The following SBF2 variants were observed in gnomAD, a reference collection of about 807,000 sequenced individuals.
SBF2 encodes the protein SET binding factor 2.
Under a neutral mutation model 225.2 loss-of-function variants are expected in SBF2, and 112 were observed. The observed-to-expected ratio is 0.50, with a 90% CI of 0.43 to 0.58. The LOEUF is 0.58. Ranked by LOEUF, SBF2 falls within the 20% of genes least tolerant of loss-of-function variation. The pLI is 0.00. For synonymous variants in SBF2, 763 were observed against 773.3 expected, an observed-to-expected ratio of 0.99 and a Z score of 0.22; for missense variants, 1,996 against 2,206.2, an observed-to-expected ratio of 0.90 and a Z score of 1.91.
chr11:10,072,010 AT>A (rs1206724324), intron 2 of SBF2, among the ~76,000 whole-genome samples: 2 of 152,306 alleles, frequency 1.3e-5, no homozygotes, highest in African/African-American at 4.8e-5. Context: ...CTCCAGCCAT[AT>A]TAATCATTAT....
intron 2 of SBF2, among the ~76,000 whole-genome samples, chr11:10,156,125 T>C (rs1411275346): frequency 6.6e-6 from 1 of 152,216 alleles, no homozygotes. Context: ...TGCCTGCTCC[T>C]GTTCCCTGGC....
At chr11:9,967,971 C>CTCTCTCTCTCTCTCTATATATATATA (rs1260685462) in intron 14 of SBF2, among the ~76,000 whole-genome samples, 4 of 91,510 alleles carry the variant, frequency 4.4e-5, no homozygotes, top group Middle Eastern at 6.4e-3. Flanking sequence ...CTCTCTCTCT[C>CTCTCTCTCTCTCTCTATATATATATA]TATATATATA....
At chr11:9,894,107 C>A (rs1013115692) in intron 17 of SBF2, among the ~76,000 whole-genome samples, 2 of 151,056 alleles carry the variant, frequency 1.3e-5, no homozygotes, top group Admixed American at 6.6e-5. Flanking sequence ...ATCAGCCAGG[C>A]GTGGTGGCTC....
At chr11:10,033,638 A>G (rs1370631496) in intron 3 of SBF2, among the ~76,000 whole-genome samples, 1 of 148,900 alleles carries the variant, frequency 6.7e-6, no homozygotes, top group Non-Finnish European at 1.5e-5. Context: ...TTCTGCTTTT[A>G]AAGCAAAATG....
intron 33 of SBF2, among the ~76,000 whole-genome samples, chr11:9,793,601 AC>A (rs1400941545): frequency 6.6e-6 from 1 of 151,840 alleles, no homozygotes; most frequent in Non-Finnish European, 1.5e-5. Context: ...TGTTGGCCAG[AC>A]TGGTCTCGAA....
intron 3 of SBF2, among the ~76,000 whole-genome samples, chr11:10,040,266 T>C (rs1458609845): frequency 6.6e-6 from 1 of 151,892 alleles, no homozygotes; most frequent in Non-Finnish European, 1.5e-5. Flanking sequence ...ATTAACATCA[T>C]CAGTGAGGGA....
intron 2 of SBF2, among the ~76,000 whole-genome samples, chr11:10,055,154 A>G (rs975548157): frequency 2.8e-4 from 42 of 152,248 alleles, no homozygotes; most frequent in Admixed American, 2.7e-3. Flanking sequence ...CACCCACCTC[A>G]GCCTCCCCAA....
At position 10,291,998 on chromosome 11, in the gene SBF2, G is replaced by T. The variant is rs1199285620; in HGVS notation, c.55+2017C>A. Among the ~76,000 whole-genome samples the T allele has an allele frequency of 3.3e-5, 5 of 152,230 alleles. No individual in the cohort carries two copies. In the South Asian group the frequency reaches 6.2e-4, roughly 19 times the overall value. ...CCAAATTGAGGGGGCAGCCTACAAAGTGACTGACCTGTAATTGTTAAATAT... is the reference window on the plus strand; with the variant it reads ...CCAAATTGAGGGGGCAGCCTACAAATTGACTGACCTGTAATTGTTAAATAT... On this transcript the variant is annotated intron_variant, in intron 1 of 39. Transcript: ENST00000256190.
rs956751963 is a variant in SBF2, at chr11:10,173,435, A to G, written c.141+20467T>C. ...GGAAAATCAGTTCACTCCCACCCGA[A>G]TACTGCGCTTTTCCGACAGGCTTAA... is the stretch of plus-strand genomic sequence containing the variant. On this transcript the variant is annotated intron_variant, in intron 2 of 39. Transcript: ENST00000256190. Among the ~76,000 whole-genome samples the G allele has an allele frequency of 3.3e-5, 5 of 152,230 alleles. No homozygotes were observed. The South Asian group carries it at 8.3e-4, about 25-fold the overall frequency.
At chr11:10,132,617 G>A (rs1423894769) in intron 2 of SBF2, among the ~76,000 whole-genome samples, 4 of 149,028 alleles carry the variant, frequency 2.7e-5, no homozygotes, top group African/African-American at 5.0e-5. Flanking sequence ...AGATCTTCAC[G>A]GTGAGTGTTA....
At chr11:9,882,240 T>C (rs532002223) in intron 17 of SBF2, among the ~76,000 whole-genome samples, 1 of 152,308 alleles carries the variant, frequency 6.6e-6, no homozygotes, top group East Asian at 1.9e-4. Flanking sequence ...AACAAACCTC[T>C]TCATAATTTT....
In SBF2 at chr11:10,082,220, A is replaced by G. The variant is rs148576666; in HGVS notation, c.142-39239T>C. On this transcript the variant is annotated intron_variant, in intron 2 of 39. Coordinates refer to ENST00000256190, the MANE Select transcript of SBF2 (RefSeq NM_030962.4). ...TATGAATTGACTAATAATTAGTGAG[A>G]TTGAACTAGTAATAAAAATTCACCC... is the stretch of plus-strand genomic sequence containing the variant. Among the ~76,000 whole-genome samples, 19 of 152,288 alleles carry G rather than the reference A, an allele frequency of 1.2e-4. 1 individual carries two copies. The highest frequency in any genetic ancestry group is 4.1e-4 in the African/African-American group (17 of 41,564).
rs968524144 is a variant in SBF2 at position 10,179,404 on chromosome 11, AAAAC to A, written c.141+14494_141+14497del. ...CAAAAAAACAAAAAAAAACAAAAAC[AAAAC>A]AAACAAACAAAAAAAACTTATTTTT... On this transcript the variant is annotated intron_variant, in intron 2 of 39. Coordinates refer to ENST00000256190, the MANE Select transcript of SBF2 (RefSeq NM_030962.4). Among the ~76,000 whole-genome samples, 194 of 150,874 alleles carry A rather than the reference AAAAC, an allele frequency of 1.3e-3. 1 individual carries two copies. Among genetic ancestry groups the A allele is most frequent in the African/African-American group, 2.4e-3 (97 of 40,988 alleles).
intron 17 of SBF2, among the ~76,000 whole-genome samples, chr11:9,868,854 G>C (rs2134041146): frequency 6.6e-6 from 1 of 152,328 alleles, no homozygotes; most frequent in South Asian, 2.1e-4. Context: ...TTTGGCAAGA[G>C]TACTTCAGAC....
intron 2 of SBF2, among the ~76,000 whole-genome samples, chr11:10,076,925 T>C (rs1951143850): frequency 6.6e-6 from 1 of 152,284 alleles, no homozygotes; most frequent in Non-Finnish European, 1.5e-5. Flanking sequence ...TCAACCTGCA[T>C]CTGAGGAAGA....
At chr11:9,933,417 T>C (rs1298064017) in intron 16 of SBF2, among the ~76,000 whole-genome samples, 9 of 152,122 alleles carry the variant, frequency 5.9e-5, no homozygotes, top group African/African-American at 1.2e-4. Context: ...AAGTAAAGCA[T>C]GCCTCAGCAA....
chr11:10,060,385 TA>T (rs1196323411), intron 2 of SBF2, among the ~76,000 whole-genome samples: 3 of 152,128 alleles, frequency 2.0e-5, no homozygotes, highest in Non-Finnish European at 4.4e-5. Flanking sequence ...GAATCAGTAA[TA>T]AATAGCCTAC....
In SBF2 at chr11:10,042,939, G is replaced by C. The variant is rs763605354; in HGVS notation, c.184C>G (p.Gln62Glu). 5.0e-6 allele frequency: 8 copies of C among 1,613,788 alleles called. No individual in the cohort carries two copies. The highest frequency in any genetic ancestry group is 3.3e-5 in the Admixed American group (2 of 59,988). ...AGGACAACCACAAAGAACGTTGGCT[G>C]CTTCCTCTCTCTGGACAGCTGCCAC... ...GGWQLSRERK[Q>E]PTFFVVVLTD... The change falls in exon 3 of 40, where the codon CAG becomes GAG. Residue 62 changes from glutamine (Q) to glutamate (E), a missense_variant. Gln to Glu is a conservative substitution (Grantham distance 29). Transcript: ENST00000256190.
chr11:9,882,245 A>G (rs1859830275), intron 17 of SBF2, among the ~76,000 whole-genome samples: 1 of 152,170 alleles, frequency 6.6e-6, no homozygotes, highest in African/African-American at 2.4e-5. Context: ...ACCTCTTCAT[A>G]ATTTTTTAAC....
Sources: allele counts gnomAD v4.1 joint callset (sites outside exome capture counted in the v4.1 genomes callset), GRCh38; gene constraint gnomAD v4.1.1; transcripts MANE v1.5; gene names NCBI Gene and HGNC (gene_info 2026-07-23, HGNC 2026-07-21).